The following DIP2C variants were observed in gnomAD, a reference collection of about 807,000 sequenced individuals.
DIP2C encodes the protein DIP2 acetate--CoA ligase C (putative).
Under a neutral mutation model 192.4 loss-of-function variants are expected in DIP2C, and 33 were observed. The ratio of observed to expected loss-of-function variants is 0.17; its 90% CI spans 0.13 to 0.23. DIP2C has a LOEUF of 0.23. Among genes scored for constraint, DIP2C ranks in the 10% least tolerant of loss-of-function variants. The pLI, the probability that DIP2C is intolerant of heterozygous loss-of-function variation, is 1.00. For missense variants in DIP2C, 1,537 were observed against 2,110.1 expected (o/e 0.73, Z 5.32); for synonymous variants, 979 against 864.1 (o/e 1.13, Z -2.33).
At chr10:583,465 T>C (rs1209412562) in intron 1 of DIP2C, among the ~76,000 whole-genome samples, 3 of 152,250 alleles carry the variant, frequency 2.0e-5, no homozygotes. Context: ...GAAATGGCAT[T>C]CTCCTAGTGA....
At chr10:618,744 G>A (rs1367633820) in intron 1 of DIP2C, among the ~76,000 whole-genome samples, 2 of 152,156 alleles carry the variant, frequency 1.3e-5, no homozygotes, top group African/African-American at 4.8e-5. Flanking sequence ...ATAAGTGCTT[G>A]GGACAATACC....
intron 1 of DIP2C, among the ~76,000 whole-genome samples, chr10:542,176 G>T (rs759176640): frequency 6.6e-6 from 1 of 152,148 alleles, no homozygotes; most frequent in African/African-American, 2.4e-5. Flanking sequence ...ACCCTGTGAC[G>T]GCTCACTCCC....
At chr10:373,732 G>A (rs985867724) in intron 17 of DIP2C, among the ~76,000 whole-genome samples, 1 of 152,136 alleles carries the variant, frequency 6.6e-6, no homozygotes, top group African/African-American at 2.4e-5. Flanking sequence ...TCCCAGGGTC[G>A]ATTGTATCCT....
chr10:303,153 G>C (rs908375907), intron 32 of DIP2C, among the ~76,000 whole-genome samples: 1 of 152,150 alleles, frequency 6.6e-6, no homozygotes, highest in African/African-American at 2.4e-5. Context: ...ATCACCACAC[G>C]TGGCGGTAGA....
intron 1 of DIP2C, chr10:662,659 CTT>C (rs1179916593): frequency 2.5e-5 from 14 of 556,066 alleles, no homozygotes; most frequent in African/African-American, 3.8e-5. Context: ...ATTTTTTTTT[CTT>C]TTTCATCTTT....
At chr10:462,576 G>T (rs1282754455) in intron 3 of DIP2C, among the ~76,000 whole-genome samples, 1 of 152,134 alleles carries the variant, frequency 6.6e-6, no homozygotes, top group Non-Finnish European at 1.5e-5. Context: ...CGAATTCACA[G>T]CCAACTCTTA....
intron 31 of DIP2C, among the ~76,000 whole-genome samples, chr10:313,356 C>T (rs533413884): frequency 6.6e-6 from 1 of 151,908 alleles, no homozygotes; most frequent in Non-Finnish European, 1.5e-5. Context: ...GTTATATGAA[C>T]GAGAAAAAAG....
chr10:615,614 TAC>T (rs888460633), intron 1 of DIP2C, among the ~76,000 whole-genome samples: 6 of 150,646 alleles, frequency 4.0e-5, no homozygotes, highest in Admixed American at 6.6e-5. Context: ...TAGGTTCATA[TAC>T]ACACACACAC....
intron 17 of DIP2C, among the ~76,000 whole-genome samples, chr10:377,585 G>A (rs1961775114): frequency 6.6e-6 from 1 of 152,124 alleles, no homozygotes; most frequent in Admixed American, 6.5e-5. Context: ...CTTACATGCG[G>A]GATTATGGAA....
intron 1 of DIP2C, among the ~76,000 whole-genome samples, chr10:559,976 C>T (rs767714728): frequency 7.2e-6 from 1 of 138,630 alleles, no homozygotes; most frequent in Non-Finnish European, 1.6e-5. Context: ...CTCCCCCCCA[C>T]TCCTGTTCTC....
At chr10:685,609 T>C (rs1334983143) in intron 1 of DIP2C, among the ~76,000 whole-genome samples, 1 of 152,132 alleles carries the variant, frequency 6.6e-6, no homozygotes, top group Non-Finnish European at 1.5e-5. Context: ...ACAGAGAAAC[T>C]TACTTCCTAA....
At chr10:308,809 C>G (rs2132313154) in intron 32 of DIP2C, among the ~76,000 whole-genome samples, 1 of 152,326 alleles carries the variant, frequency 6.6e-6, no homozygotes, top group African/African-American at 2.4e-5. Flanking sequence ...GCCACAGGGC[C>G]AGGCATGCAT....
intron 31 of DIP2C, among the ~76,000 whole-genome samples, chr10:324,211 TTGA>T (rs1384040808): frequency 1.3e-5 from 2 of 152,196 alleles, no homozygotes; most frequent in Non-Finnish European, 2.9e-5. Flanking sequence ...TGAGAAATGT[TTGA>T]TGATGGCACA....
intron 1 of DIP2C, among the ~76,000 whole-genome samples, chr10:643,803 G>A (rs1485246036): frequency 6.6e-6 from 1 of 152,240 alleles, no homozygotes; most frequent in Non-Finnish European, 1.5e-5. Flanking sequence ...TTGCAGAGTT[G>A]CACACATCAA....
chr10:523,466 CAAAGGACCCTGGA>C (rs1846853476), intron 1 of DIP2C, among the ~76,000 whole-genome samples: 3 of 121,144 alleles, frequency 2.5e-5, no homozygotes, highest in Admixed American at 2.4e-4. Flanking sequence ...CTACTGGATG[CAAAGGACCCTGGA>C]GTGAGGATGC....
At chr10:392,221 A>G (rs1963520253) in intron 10 of DIP2C, among the ~76,000 whole-genome samples, 1 of 152,198 alleles carries the variant, frequency 6.6e-6, no homozygotes, top group African/African-American at 2.4e-5. Flanking sequence ...GTGGGGCGAC[A>G]TCAGCTTCTG....
chr10:281,260 C>T lies in DIP2C; in HGVS notation c.4358G>A (p.Arg1453Gln), dbSNP rs1425181510. ...GGTCTCAATGTCGATTGGGTGGTACCGCATGCCCCGCAGCTCCATGGCTTC... is the reference window on the plus strand; with the variant it reads ...GGTCTCAATGTCGATTGGGTGGTACTGCATGCCCCGCAGCTCCATGGCTTC... ...LDEAMELRGMRYHPIDIETSV... is the reference protein window; with the variant it reads ...LDEAMELRGMQYHPIDIETSV... The change falls in exon 36 of 37, where the codon CGG becomes CAG. Residue 1453 changes from arginine (R) to glutamine (Q), a missense_variant. This residue lies in a region of DIP2C where 341 missense variants were observed against 551.7 expected (regional missense o/e 0.62). Transcript: ENST00000280886. 1.2e-6 allele frequency: 2 copies of T among 1,614,076 alleles called. No homozygotes were observed. Among genetic ancestry groups the T allele is most frequent in the Admixed American group, 1.7e-5 (1 of 60,008 alleles).
In DIP2C at chr10:519,977, T is replaced by C. The variant is rs184238308; in HGVS notation, c.86-33447A>G. Among the ~76,000 whole-genome samples, 150 of 152,310 alleles carry C rather than the reference T, an allele frequency of 9.8e-4. 3 individuals carry two copies. The highest frequency in any genetic ancestry group is 3.5e-3 in the African/African-American group (145 of 41,568). ...CCCTTCTCCGTCTTGGAGCACACCATGGCGGGCAGGAAGCTCCACTCGGAG... is the reference window on the plus strand; with the variant it reads ...CCCTTCTCCGTCTTGGAGCACACCACGGCGGGCAGGAAGCTCCACTCGGAG... On this transcript the variant is annotated intron_variant, in intron 1 of 36. Transcript: ENST00000280886.
chr10:583,181 A>G (rs1340881703), intron 1 of DIP2C, among the ~76,000 whole-genome samples: 4 of 152,226 alleles, frequency 2.6e-5, no homozygotes, highest in Non-Finnish European at 5.9e-5. Flanking sequence ...TCATAGGAAA[A>G]AGAACGTTGT....
Sources: allele counts gnomAD v4.1 joint callset (sites outside exome capture counted in the v4.1 genomes callset), GRCh38; gene constraint gnomAD v4.1.1; regional missense constraint gnomAD v4.1.1; transcripts MANE v1.5; gene names NCBI Gene and HGNC (gene_info 2026-07-23, HGNC 2026-07-21).